Variants in TCF20 observed in about 807,000 individuals in gnomAD.
The protein encoded by TCF20 is transcription factor 20.
Under a neutral mutation model 148.6 loss-of-function variants are expected in TCF20, and 3 were observed. The observed-to-expected ratio is 0.02, with a 90% CI of 0.01 to 0.05. The LOEUF (loss-of-function observed/expected upper bound fraction) is 0.05, where lower values mean the gene tolerates loss of function less well. TCF20 is among the 10% of genes least tolerant of loss of function. The pLI is 1.00. For synonymous variants in TCF20, 1,049 were observed against 909.5 expected, an observed-to-expected ratio of 1.15 and a Z score of -2.76; for missense variants, 2,350 against 2,429.3, an observed-to-expected ratio of 0.97 and a Z score of 0.69.
intron 2 of TCF20, among the ~76,000 whole-genome samples, chr22:42,197,962 A>G (rs540781887): frequency 2.7e-4 from 41 of 152,310 alleles, no homozygotes; most frequent in Admixed American, 1.8e-3. Context: ...ACCACAAGAC[A>G]ATGCCTATCA....
At position 42,279,217 on chromosome 22, in the gene TCF20, A is replaced by G. The variant is rs1569199512; in HGVS notation, c.-37+4610T>C. Among the ~76,000 whole-genome samples, 1 of 152,152 alleles carries G rather than the reference A, an allele frequency of 6.6e-6. No homozygotes were observed. Among genetic ancestry groups the G allele is most frequent in the Non-Finnish European group, 1.5e-5 (1 of 68,030 alleles). On this transcript the variant is annotated intron_variant, in intron 1 of 5. Coordinates refer to the TCF20 transcript ENST00000359486. The surrounding 1 kb of genome is among the most constrained non-coding windows in gnomAD (Gnocchi z 4.3). ...GGTAGTAGGTGGGTGTGAAAAAGAAAGGAAGGGCCAGGTGCAGTGGCTCAT... is the reference window on the plus strand; with the variant it reads ...GGTAGTAGGTGGGTGTGAAAAAGAAGGGAAGGGCCAGGTGCAGTGGCTCAT...
At chr22:42,342,519 G>A (rs1601713228) in intron 1 of TCF20, among the ~76,000 whole-genome samples, 1 of 152,210 alleles carries the variant, frequency 6.6e-6, no homozygotes, top group African/African-American at 2.4e-5. Context: ...ACCTCCTGGA[G>A]GTAGTTCATC....
chr22:42,199,590 C>T (rs1937844844), intron 2 of TCF20, among the ~76,000 whole-genome samples: 1 of 151,452 alleles, frequency 6.6e-6, no homozygotes, highest in African/African-American at 2.4e-5. Flanking sequence ...TCTAAACAGG[C>T]CAGGTGTGGT....
At chr22:42,305,174 C>A (rs571791617) in intron 1 of TCF20, among the ~76,000 whole-genome samples, 1 of 152,092 alleles carries the variant, frequency 6.6e-6, no homozygotes, top group Non-Finnish European at 1.5e-5. Context: ...GTCAGACCCA[C>A]GCTCCAGCTC....
chr22:42,276,020 A>G (rs1050550161), intron 1 of TCF20, among the ~76,000 whole-genome samples: 10 of 152,258 alleles, frequency 6.6e-5, no homozygotes, highest in Non-Finnish European at 1.0e-4. Context: ...TTGCTTTGTT[A>G]TAAGATGACA....
At chr22:42,241,163 C>G (rs1356184950) in intron 1 of TCF20, among the ~76,000 whole-genome samples, 1 of 152,142 alleles carries the variant, frequency 6.6e-6, no homozygotes, top group East Asian at 1.9e-4. Flanking sequence ...TGGGCTTCAA[C>G]TTGTATTAAA....
chr22:42,186,108 G>C (rs1601544806), intron 2 of TCF20, among the ~76,000 whole-genome samples: 1 of 152,208 alleles, frequency 6.6e-6, no homozygotes, highest in East Asian at 1.9e-4. Context: ...TGAAACATCA[G>C]CCAGCCACTC....
At chr22:42,206,191 G>T (rs181027397) in intron 2 of TCF20, among the ~76,000 whole-genome samples, 2 of 152,198 alleles carry the variant, frequency 1.3e-5, no homozygotes, top group African/African-American at 4.8e-5. Flanking sequence ...ACTGGGCTGA[G>T]ATATGTTAAT....
intron 1 of TCF20, among the ~76,000 whole-genome samples, chr22:42,223,302 A>T (rs1033460): frequency 6.6e-6 from 1 of 152,134 alleles, no homozygotes; most frequent in Non-Finnish European, 1.5e-5. Flanking sequence ...CCTCTAGGAC[A>T]AGTTGGAGCT....
At chr22:42,252,735 AGCCACGGT>A (rs1925482848) in intron 1 of TCF20, among the ~76,000 whole-genome samples, 1 of 152,194 alleles carries the variant, frequency 6.6e-6, no homozygotes, top group South Asian at 2.1e-4. Context: ...TACAGGTGTG[AGCCACGGT>A]GCCCAGCCTT....
upstream of TCF20, among the ~76,000 whole-genome samples, chr22:42,285,252 T>C (rs1219023867): frequency 1.3e-5 from 2 of 151,978 alleles, no homozygotes; most frequent in Non-Finnish European, 2.9e-5. The surrounding 1 kb of genome is among the most constrained non-coding windows in gnomAD (Gnocchi z 4.2). Flanking sequence ...GCCTGGCACC[T>C]GGTGAGGGCC....
chr22:42,184,039 G>A (rs1206787249), intron 2 of TCF20, among the ~76,000 whole-genome samples: 1 of 152,090 alleles, frequency 6.6e-6, no homozygotes, highest in Non-Finnish European at 1.5e-5. Flanking sequence ...AAAGTGCTGG[G>A]ATTACAGGCA....
rs1234703069 is a variant in TCF20 at position 42,214,569 on chromosome 22, G to A, written c.737C>T (p.Ser246Phe). 2 of 1,594,490 alleles carry A rather than the reference G, an allele frequency of 1.3e-6. No homozygotes were observed. Among genetic ancestry groups the A allele is most frequent in the Non-Finnish European group, 1.7e-6 (2 of 1,167,228 alleles). The change falls in exon 2 of 6, where the codon TCC becomes TTC. Residue 246 changes from serine (S) to phenylalanine (F), a missense_variant. By Grantham distance (155) the Ser-to-Phe change is radical. This residue lies in a region of TCF20 where 1,641 missense variants were observed against 1,662.6 expected (regional missense o/e 0.99). Transcript: ENST00000677622. ...GCTAAAACGCTGTGGTGAAGGGAAG[G>A]AGGAGGAGGAGGAGGAGGAAGCAGA... ...QSSASSSSSS[S>F]FPSPQRFSQS...
intron 1 of TCF20, among the ~76,000 whole-genome samples, chr22:42,336,069 A>G (rs1172348230): frequency 6.6e-6 from 1 of 152,178 alleles, no homozygotes. Context: ...TCCTCCAGTC[A>G]AGCAAACCAG....
At chr22:42,193,811 A>T (rs1015513384) in intron 2 of TCF20, among the ~76,000 whole-genome samples, 1 of 152,202 alleles carries the variant, frequency 6.6e-6, no homozygotes, top group African/African-American at 2.4e-5. Context: ...GACCTAAAAG[A>T]TTCTATAATT....
chr22:42,266,068 C>T (rs1926271177), intron 1 of TCF20, among the ~76,000 whole-genome samples: 2 of 143,888 alleles, frequency 1.4e-5, no homozygotes, highest in Admixed American at 7.3e-5. Flanking sequence ...TCAGGTTCAT[C>T]ATAGCTTTAA....
At chr22:42,283,364 A>ACGG (rs1926950864) in intron 1 of TCF20, among the ~76,000 whole-genome samples, 1 of 151,492 alleles carries the variant, frequency 6.6e-6, no homozygotes, top group Admixed American at 6.6e-5. Context: ...CTGGCTGCGC[A>ACGG]CGGCGGCTGG....
intron 1 of TCF20, among the ~76,000 whole-genome samples, chr22:42,281,028 C>G: frequency 6.6e-6 from 1 of 152,228 alleles, no homozygotes; most frequent in Non-Finnish European, 1.5e-5. Context: ...GGGGATAGGT[C>G]TGGGGGACTA....
intron 3 of TCF20, among the ~76,000 whole-genome samples, chr22:42,175,980 G>C (rs1936424291): frequency 6.6e-6 from 1 of 151,782 alleles, no homozygotes; most frequent in African/African-American, 2.4e-5. Flanking sequence ...ATTTTTTGTA[G>C]AGACAGGGTT....
Sources: allele counts gnomAD v4.1 joint callset (sites outside exome capture counted in the v4.1 genomes callset), GRCh38; gene constraint gnomAD v4.1.1; regional missense constraint gnomAD v4.1.1; non-coding constraint Gnocchi (gnomAD v3.1); transcripts MANE v1.5; gene names NCBI Gene and HGNC (gene_info 2026-07-23, HGNC 2026-07-21).